CCDC191: variants seen among roughly 807,000 people sequenced by gnomAD.
CCDC191 encodes the protein coiled-coil domain containing 191.
Under a neutral mutation model 114.0 loss-of-function variants are expected in CCDC191, and 99 were observed. The observed-to-expected ratio is 0.87, with a 90% CI of 0.74 to 1.03. The LOEUF is 1.03. CCDC191 is among the 50% of genes least tolerant of loss of function. CCDC191 has a pLI of 0.00. For missense variants in CCDC191, 973 were observed against 1,087.0 expected (o/e 0.90, Z 1.47); for synonymous variants, 351 against 376.0 (o/e 0.93, Z 0.77).
intron 13 of CCDC191, among the ~76,000 whole-genome samples, chr3:113,991,561 CATACTTAATGGTGAG>C (rs2075566880): frequency 6.6e-6 from 1 of 152,144 alleles, no homozygotes; most frequent in Admixed American, 6.5e-5. Context: ...CAGCAAACAT[CATACTTAATGGTGAG>C]ATACTGAATG....
At chr3:113,970,588 T>G (rs1940698622) in intron 16 of CCDC191, among the ~76,000 whole-genome samples, 2 of 152,188 alleles carry the variant, frequency 1.3e-5, no homozygotes, top group African/African-American at 4.8e-5. Context: ...TTTATTATAC[T>G]TTAAGTTTTA....
In CCDC191 at chr3:114,005,906, C is replaced by G. The variant is rs375835044; in HGVS notation, c.1470G>C (p.Met490Ile). The G allele has an allele frequency of 6.2e-7, 1 of 1,614,090 alleles. No homozygotes were observed. The highest frequency in any genetic ancestry group is 1.3e-5 in the African/African-American group (1 of 75,042). Residue 490 changes from methionine to isoleucine, a missense_variant, in exon 10 of 17, where the codon ATG becomes ATC. Coordinates refer to ENST00000295878, the MANE Select transcript of CCDC191 (RefSeq NM_020817.2). ...EKPPLGSSGC[M>I]LSPPLGRTTT... ...TTGTTCTTCCCAGGGGAGGACTGAG[C>G]ATACAACCACTGCTTCCCAAGGGAG...
chr3:114,021,381 A>G (rs1032509015), intron 7 of CCDC191, among the ~76,000 whole-genome samples: 2 of 152,116 alleles, frequency 1.3e-5, no homozygotes, highest in African/African-American at 4.8e-5. Flanking sequence ...CTGTATGGCA[A>G]CTACTTTCTT....
rs563703570 is a variant in CCDC191, at chr3:114,005,866, G to A, written c.1510C>T (p.Gln504Ter). 3.5e-5 allele frequency: 57 copies of A among 1,614,070 alleles called. 2 individuals are homozygous for A. The South Asian group carries it at 5.8e-4, about 16-fold the overall frequency. Reference protein sequence around the residue: ...PLGRTTTGNLQGSLQNVSLSA... With the variant: ...PLGRTTTGNL ...AGAGAGACATTCTGAAGGGAACCCT[G>A]CAAGTTGCCTGTTGTTGTTCTTCCC... Residue 504 changes from glutamine to a stop codon, truncating the protein, a stop_gained, in exon 10 of 17, where the codon CAG (glutamine) becomes TAG (stop). Coordinates refer to ENST00000295878, the MANE Select transcript of CCDC191 (RefSeq NM_020817.2). LOFTEE classifies it high-confidence loss of function.
intron 1 of CCDC191, among the ~76,000 whole-genome samples, chr3:114,054,446 T>C (rs1347248369): frequency 1.3e-5 from 2 of 152,012 alleles, no homozygotes; most frequent in South Asian, 2.1e-4. Flanking sequence ...TCCTGGCTAA[T>C]ACGGTGAAAC....
intron 8 of CCDC191, among the ~76,000 whole-genome samples, chr3:114,012,440 G>T (rs324556): frequency 0.26 from 39,800 of 151,990 alleles, 5,752 homozygotes; most frequent in Middle Eastern, 0.38. Flanking sequence ...TGTAATAAAA[G>T]TATAATATAG....
intron 16 of CCDC191, among the ~76,000 whole-genome samples, chr3:113,974,946 T>C (rs1941184358): frequency 6.6e-6 from 1 of 152,200 alleles, no homozygotes; most frequent in Admixed American, 6.5e-5. Context: ...TATTTTTTTA[T>C]GCTTGGTAAA....
intron 13 of CCDC191, among the ~76,000 whole-genome samples, chr3:113,993,210 TCAC>T (rs1254875922): frequency 6.6e-6 from 1 of 152,028 alleles, no homozygotes; most frequent in Non-Finnish European, 1.5e-5. Context: ...GGCAGGAGGA[TCAC>T]TTGAGCCCAG....
intron 9 of CCDC191, among the ~76,000 whole-genome samples, chr3:114,009,002 T>C (rs1251187755): frequency 6.6e-6 from 1 of 152,136 alleles, no homozygotes; most frequent in Non-Finnish European, 1.5e-5. Context: ...AGGATGTTAC[T>C]ATACGGAATA....
At chr3:114,041,297 G>T (rs1275452203) in intron 4 of CCDC191, among the ~76,000 whole-genome samples, 2 of 152,186 alleles carry the variant, frequency 1.3e-5, no homozygotes, top group Non-Finnish European at 2.9e-5. Flanking sequence ...AAAAATTGTT[G>T]AGAGTACTGG....
intron 13 of CCDC191, among the ~76,000 whole-genome samples, chr3:113,990,256 G>T (rs1271406571): frequency 6.6e-6 from 1 of 151,864 alleles, no homozygotes; most frequent in African/African-American, 2.4e-5. Context: ...TTAAAGAGAA[G>T]ACATCAATAC....
intron 13 of CCDC191, among the ~76,000 whole-genome samples, chr3:113,994,341 T>C (rs2075657804): frequency 6.6e-6 from 1 of 152,156 alleles, no homozygotes; most frequent in Non-Finnish European, 1.5e-5. Context: ...CACAATGATA[T>C]ATTACTACAC....
chr3:114,005,943 A>G lies in CCDC191; in HGVS notation c.1433T>C (p.Leu478Ser). Reference protein sequence around the residue: ...KNGQETAVPPLWEKPPLGSSG... With the variant: ...KNGQETAVPPSWEKPPLGSSG... The stretch of plus-strand genomic sequence containing the variant: ...GCTTCCCAAGGGAGGCTTTTCCCAC[A>G]AAGGGGGCACAGCAGTCTCCTGAGA... The change falls in exon 10 of 17, where the codon TTG becomes TCG. Residue 478 changes from leucine (L) to serine (S), a missense_variant. Transcript: ENST00000295878. The G allele has an allele frequency of 6.2e-7, 1 of 1,613,992 alleles. No individual in the cohort carries two copies. The highest frequency in any genetic ancestry group is 8.5e-7 in the Non-Finnish European group (1 of 1,179,922).
intron 11 of CCDC191, 176 bp downstream of exon 11, chr3:114,004,461 T>G (rs772483591): frequency 7.4e-5 from 89 of 1,201,960 alleles, no homozygotes; most frequent in Non-Finnish European, 9.0e-5. Flanking sequence ...AGGAAAAAAG[T>G]AGTGGGGCTC....
chr3:114,018,998 G>T, intron 7 of CCDC191, 130 bp from the exon 8 acceptor site: 1 of 787,046 alleles, frequency 1.3e-6, no homozygotes, highest in Non-Finnish European at 2.0e-6. Flanking sequence ...TTGTCTTAAT[G>T]GAAAGGAAGA....
chr3:113,998,979 G>A (rs2075795725), intron 13 of CCDC191, among the ~76,000 whole-genome samples: 1 of 152,128 alleles, frequency 6.6e-6, no homozygotes, highest in Admixed American at 6.6e-5. Flanking sequence ...AGAACCAGGT[G>A]GATTGATCGA....
rs2075036470 is a variant in CCDC191, at chr3:113,978,901, T to A, written c.2417A>T (p.Tyr806Phe). ...ARKMAQADQF[Y>F]SQILLKRVIQ... ...GACTCTCTTAAGCAGTATTTGGGAA[T>A]AAAATTGATCAGCCTGGGCCATCTT... is the stretch of plus-strand genomic sequence containing the variant. Residue 806 changes from tyrosine (Y) to phenylalanine (F), a missense_variant, in exon 15 of 17, where the codon TAT (tyrosine) becomes TTT (phenylalanine). Tyr to Phe is a conservative substitution (Grantham distance 22). Coordinates refer to ENST00000295878, the MANE Select transcript of CCDC191 (RefSeq NM_020817.2). 6.2e-7 allele frequency: 1 copy of A among 1,613,934 alleles called. No individual in the cohort carries two copies. Among genetic ancestry groups the A allele is most frequent in the Non-Finnish European group, 8.5e-7 (1 of 1,179,936 alleles).
chr3:114,012,579 T>TA (rs2076089232), intron 8 of CCDC191, among the ~76,000 whole-genome samples: 1 of 152,168 alleles, frequency 6.6e-6, no homozygotes, highest in Non-Finnish European at 1.5e-5. Flanking sequence ...AACAAAGCTC[T>TA]AAAAATCAGT....
At chr3:113,991,120 C>G (rs1000896396) in intron 13 of CCDC191, among the ~76,000 whole-genome samples, 19 of 151,658 alleles carry the variant, frequency 1.3e-4, no homozygotes, top group African/African-American at 4.6e-4. Context: ...CCTCTAATCC[C>G]AGCTACTCAG....
Sources: allele counts gnomAD v4.1 joint callset (sites outside exome capture counted in the v4.1 genomes callset), GRCh38; gene constraint gnomAD v4.1.1; transcripts MANE v1.5; gene names NCBI Gene and HGNC (gene_info 2026-07-23, HGNC 2026-07-21).